Variants in KCTD8 observed in about 807,000 individuals in gnomAD.
KCTD8 encodes potassium channel tetramerization domain containing 8.
In KCTD8, 27 loss-of-function variants were observed where a neutral mutation model predicts 31.5. The observed-to-expected ratio is 0.86, with a 90% CI of 0.63 to 1.18. The LOEUF is 1.18. Ranked by LOEUF, KCTD8 falls within the 50% of genes most tolerant of loss-of-function variation. KCTD8 has a pLI of 0.00. For missense variants in KCTD8, 658 were observed against 647.7 expected (o/e 1.02, Z -0.17); for synonymous variants, 290 against 280.0 (o/e 1.04, Z -0.36).
intron 1 of KCTD8, among the ~76,000 whole-genome samples, chr4:44,295,265 C>T (rs1331037408): frequency 6.6e-6 from 1 of 152,084 alleles, no homozygotes; most frequent in Non-Finnish European, 1.5e-5. Context: ...CACTGCACTC[C>T]AGCCCAGGTG....
Position 44,447,775 on chromosome 4 carries a change from T to A in KCTD8, c.749A>T (p.Asp250Val). Reference sequence around the variant, plus strand: ...GGGGTCGCGGCTCTCGTTGAGCGTGTCCCCGAAGACCTCCTTGGCCAGCGC... The same window carrying A: ...GGGGTCGCGGCTCTCGTTGAGCGTGACCCCGAAGACCTCCTTGGCCAGCGC... ...RIALAKEVFG[D>V]TLNESRDPDR... Residue 250 changes from aspartate (D) to valine (V), a missense_variant, in exon 1 of 2, where the codon GAC becomes GTC. Asp to Val is a radical substitution (Grantham distance 152). Coordinates refer to ENST00000360029, the MANE Select transcript of KCTD8 (RefSeq NM_198353.3). 1.2e-6 allele frequency: 2 copies of A among 1,611,090 alleles called. No individual in the cohort carries two copies. The highest frequency in any genetic ancestry group is 8.5e-7 in the Non-Finnish European group (1 of 1,178,654).
chr4:44,198,375 C>T (rs574000117), intron 1 of KCTD8, among the ~76,000 whole-genome samples: 84 of 151,992 alleles, frequency 5.5e-4, no homozygotes, highest in African/African-American at 1.9e-3. Context: ...AAGACAAATG[C>T]AAAAGAAAAA....
At chr4:44,361,480 C>T (rs1371932441) in intron 1 of KCTD8, among the ~76,000 whole-genome samples, 1 of 151,942 alleles carries the variant, frequency 6.6e-6, no homozygotes, top group Non-Finnish European at 1.5e-5. Flanking sequence ...AATAGTGATG[C>T]CTCAGTTTCT....
intron 1 of KCTD8, among the ~76,000 whole-genome samples, chr4:44,385,959 C>T (rs1431334436): frequency 1.3e-5 from 2 of 151,424 alleles, no homozygotes; most frequent in African/African-American, 4.8e-5. Flanking sequence ...AGATGCTCAG[C>T]ATCAGTAATC....
chr4:44,225,817 T>C (rs939881308), intron 1 of KCTD8, among the ~76,000 whole-genome samples: 2 of 47,944 alleles, frequency 4.2e-5, no homozygotes, highest in African/African-American at 8.1e-5. Flanking sequence ...TTTTGTCTCT[T>C]TTTTTTTTTT....
intron 1 of KCTD8, among the ~76,000 whole-genome samples, chr4:44,335,439 T>C (rs1200177227): frequency 1.3e-5 from 2 of 152,164 alleles, no homozygotes; most frequent in East Asian, 1.9e-4. Context: ...CCTCCACATG[T>C]ACTTCCTGAA....
At chr4:44,311,743 C>A (rs1010148249) in intron 1 of KCTD8, among the ~76,000 whole-genome samples, 2 of 151,626 alleles carry the variant, frequency 1.3e-5, no homozygotes, top group East Asian at 3.9e-4. Context: ...AAAGAAAATG[C>A]CAAATTAATT....
At chr4:44,353,294 T>C (rs1719259108) in intron 1 of KCTD8, among the ~76,000 whole-genome samples, 1 of 152,078 alleles carries the variant, frequency 6.6e-6, no homozygotes, top group Non-Finnish European at 1.5e-5. Flanking sequence ...AGTTCATTTA[T>C]CCTGCTGTTT....
intron 1 of KCTD8, among the ~76,000 whole-genome samples, chr4:44,354,342 C>T (rs907966710): frequency 9.9e-5 from 15 of 152,098 alleles, no homozygotes; most frequent in Middle Eastern, 3.2e-3. Flanking sequence ...CATTCCTTCA[C>T]GCTTACTTTT....
chr4:44,378,292 T>C (rs893528117), intron 1 of KCTD8, among the ~76,000 whole-genome samples: 1 of 148,772 alleles, frequency 6.7e-6, no homozygotes, highest in Non-Finnish European at 1.5e-5. Flanking sequence ...GGCACAATAC[T>C]ATACATACTA....
intron 1 of KCTD8, among the ~76,000 whole-genome samples, chr4:44,445,714 A>G (rs991138982): frequency 1.1e-4 from 16 of 152,224 alleles, no homozygotes; most frequent in Admixed American, 3.3e-4. Flanking sequence ...AACTGTGCAG[A>G]ACATTCATGC....
intron 1 of KCTD8, among the ~76,000 whole-genome samples, chr4:44,291,980 A>C (rs990724386): frequency 1.4e-4 from 21 of 151,068 alleles, no homozygotes; most frequent in African/African-American, 5.1e-4. Context: ...AAAAAAAAAA[A>C]AAACAGGTGT....
chr4:44,434,884 A>G (rs999807159), intron 1 of KCTD8, among the ~76,000 whole-genome samples: 1 of 151,920 alleles, frequency 6.6e-6, no homozygotes. Flanking sequence ...GAAGTCACCT[A>G]GTAATTGCTG....
intron 1 of KCTD8, among the ~76,000 whole-genome samples, chr4:44,417,394 T>A (rs1352219973): frequency 3.9e-5 from 6 of 152,170 alleles, no homozygotes. Context: ...CTACCCATTG[T>A]ATTTGTGAAA....
intron 1 of KCTD8, among the ~76,000 whole-genome samples, chr4:44,279,687 A>C (rs1165487137): frequency 2.0e-5 from 3 of 152,096 alleles, no homozygotes; most frequent in African/African-American, 7.2e-5. Context: ...CAAAAGGATT[A>C]GTGTGAGGAT....
intron 1 of KCTD8, among the ~76,000 whole-genome samples, chr4:44,285,114 A>G (rs1484715609): frequency 6.6e-6 from 1 of 152,180 alleles, no homozygotes; most frequent in Admixed American, 6.5e-5. Context: ...CAGCAATCCC[A>G]TTACTGGGCA....
intron 1 of KCTD8, among the ~76,000 whole-genome samples, chr4:44,276,115 G>A (rs904119052): frequency 2.0e-5 from 3 of 151,974 alleles, no homozygotes; most frequent in African/African-American, 7.2e-5. Flanking sequence ...CAAAAAGGCA[G>A]ACACATTGTC....
At chr4:44,354,122 T>C (rs1413382643) in intron 1 of KCTD8, among the ~76,000 whole-genome samples, 1 of 152,188 alleles carries the variant, frequency 6.6e-6, no homozygotes, top group African/African-American at 2.4e-5. Context: ...TATGTATCCT[T>C]TCTACCAATC....
intron 1 of KCTD8, among the ~76,000 whole-genome samples, chr4:44,253,090 T>G (rs1288810258): frequency 6.6e-6 from 1 of 151,572 alleles, no homozygotes; most frequent in Non-Finnish European, 1.5e-5. Context: ...ATGTGTTTTG[T>G]TTATTTTTAA....
Sources: allele counts gnomAD v4.1 joint callset (sites outside exome capture counted in the v4.1 genomes callset), GRCh38; gene constraint gnomAD v4.1.1; transcripts MANE v1.5; gene names NCBI Gene and HGNC (gene_info 2026-07-23, HGNC 2026-07-21).